Variants in MYL10 observed in about 807,000 individuals in gnomAD.
MYL10 encodes myosin light chain 10, also known as myosin regulatory light chain 10.
A neutral mutation model predicts 21.9 loss-of-function variants in MYL10; 18 were observed. That is an observed-to-expected ratio of 0.82 (90% confidence interval 0.57 to 1.22). The LOEUF is 1.22. Among genes scored for constraint, MYL10 ranks in the 50% most tolerant of loss-of-function variants. MYL10 has a pLI of 0.00. For synonymous variants in MYL10, 88 were observed against 82.8 expected (o/e 1.06, Z -0.34); for missense variants, 225 against 230.4 (o/e 0.98, Z 0.15).
chr7:101,628,006 C>G (rs73415218), intron 1 of MYL10, among the ~76,000 whole-genome samples: 5,232 of 152,252 alleles, frequency 0.034, 310 homozygotes, highest in African/African-American at 0.12. Flanking sequence ...AACCCCCGGT[C>G]TGCTTATGGA....
rs576792150 is a variant in MYL10, at chr7:101,615,167, G to T, written c.533+1053C>A. On this transcript the variant is annotated intron_variant, in intron 6 of 7. Transcript: ENST00000223167. The stretch of plus-strand genomic sequence containing the variant: ...CCCTTCATGCATTCCAAGTGAGCTG[G>T]TCACTTTCCCCAATCCTTACTGCCC... Among the ~76,000 whole-genome samples, 90 of 152,272 alleles carry T rather than the reference G, an allele frequency of 5.9e-4. 1 individual carries two copies. In the South Asian group the frequency reaches 0.018, roughly 30 times the overall value.
chr7:101,621,150 C>A (rs948211157), intron 5 of MYL10, among the ~76,000 whole-genome samples: 3 of 152,056 alleles, frequency 2.0e-5, no homozygotes, highest in African/African-American at 7.2e-5. Context: ...GGAGAGCTCC[C>A]CCGAGGCCAG....
intron 1 of MYL10, 143 bp downstream of exon 1, chr7:101,628,898 T>C (rs973054663): frequency 1.4e-5 from 5 of 357,524 alleles, no homozygotes; most frequent in Non-Finnish European, 2.7e-5. Context: ...ACACAGAAGG[T>C]CAGGCCATGT....
Position 101,622,295 on chromosome 7 carries a change from C to T in MYL10, c.350-95G>A, listed in dbSNP as rs371972388. On this transcript the variant is annotated intron_variant, in intron 4 of 7. Coordinates refer to ENST00000223167, the MANE Select transcript of MYL10 (RefSeq NM_138403.5). The stretch of plus-strand genomic sequence containing the variant: ...AAAGCCTCCCCACTCAGCTGCTCCA[C>T]GTGCCCCCCACTCAGCCCTAAGGCC... 62 of 923,634 alleles carry T rather than the reference C, an allele frequency of 6.7e-5. No individual in the cohort carries two copies. In the African/African-American group the frequency reaches 7.6e-4, roughly 11 times the overall value. The allele number at this position is 923,634 out of a possible 1,614,324, so 57.2% of individuals were successfully genotyped here.
intron 1 of MYL10, among the ~76,000 whole-genome samples, chr7:101,625,011 T>A (rs1339451330): frequency 6.6e-6 from 1 of 151,956 alleles, no homozygotes; most frequent in African/African-American, 2.4e-5. Context: ...TGCGTCTGTG[T>A]CCTCGACTAA....
intron 5 of MYL10, among the ~76,000 whole-genome samples, chr7:101,618,992 T>C (rs1192578479): frequency 6.6e-6 from 1 of 152,158 alleles, no homozygotes; most frequent in African/African-American, 2.4e-5. Context: ...AAACTCCTGC[T>C]CTGGCAGCAG....
At chr7:101,617,951 GA>G (rs1366596371) in intron 5 of MYL10, among the ~76,000 whole-genome samples, 1 of 150,548 alleles carries the variant, frequency 6.6e-6, no homozygotes, top group Non-Finnish European at 1.5e-5. Context: ...TCCCCCATTA[GA>G]CTGGGTCAGG....
At chr7:101,613,758 C>T in intron 6 of MYL10, 48 bp from the exon 7 acceptor site, 1 of 1,586,850 alleles carries the variant, frequency 6.3e-7, no homozygotes, top group Non-Finnish European at 8.7e-7. Flanking sequence ...GGATACCCAG[C>T]TTGAACATGC....
At chr7:101,621,584 T>G (rs1796678445) in intron 5 of MYL10, among the ~76,000 whole-genome samples, 1 of 133,412 alleles carries the variant, frequency 7.5e-6, no homozygotes, top group Non-Finnish European at 1.7e-5. Flanking sequence ...CAGTGTTTAG[T>G]TTTTATGGTT....
At position 101,613,737 on chromosome 7, in the gene MYL10, T is replaced by C. The variant is rs564106357; in HGVS notation, c.534-27A>G. ...TGTTCAAGGGAGAGACACAGTCATG[T>C]TCAGGGAACGGGATACCCAGCTTGA... On this transcript the variant is annotated intron_variant, in intron 6 of 7. Coordinates refer to ENST00000223167, the MANE Select transcript of MYL10 (RefSeq NM_138403.5). The C allele has an allele frequency of 4.3e-6, 7 of 1,613,166 alleles. No homozygotes were observed. In the East Asian group the frequency reaches 1.3e-4, roughly 31 times the overall value.
At chr7:101,622,913 C>T (rs375201363) in intron 4 of MYL10, 84 bp downstream of exon 4, 28 of 1,299,644 alleles carry the variant, frequency 2.2e-5, no homozygotes, top group South Asian at 2.5e-5. Context: ...TCACGCTCAC[C>T]GCGAGCCCTG....
chr7:101,626,673 G>C (rs1228451722), intron 1 of MYL10, among the ~76,000 whole-genome samples: 1 of 152,106 alleles, frequency 6.6e-6, no homozygotes, highest in African/African-American at 2.4e-5. Flanking sequence ...ACTGACCCCC[G>C]GCCCTCCCAG....
chr7:101,622,996 C>G lies in MYL10; in HGVS notation c.349+1G>C, dbSNP rs1178546340. 7 of 1,613,602 alleles carry G rather than the reference C, an allele frequency of 4.3e-6. No homozygotes were observed. The Admixed American group carries it at 1.2e-4, about 27-fold the overall frequency. On this transcript the variant is annotated splice_donor_variant, in intron 4 of 7. Transcript: ENST00000223167. LOFTEE classifies it high-confidence loss of function. ...TCTCCCCCGGCTGCTGGCTCACCCA[C>G]CCAGCGCGGCAAAGGTGTCCCTCAA... is the stretch of plus-strand genomic sequence containing the variant.
At chr7:101,622,316 A>G in intron 4 of MYL10, 116 bp from the exon 5 acceptor site, 1 of 713,846 alleles carries the variant, frequency 1.4e-6, no homozygotes, top group South Asian at 2.1e-5. Context: ...CTCAGCCCTA[A>G]GGCCCTGACG....
At chr7:101,618,114 A>G (rs952641990) in intron 5 of MYL10, among the ~76,000 whole-genome samples, 1 of 152,242 alleles carries the variant, frequency 6.6e-6, no homozygotes. Flanking sequence ...AAACTGGCAC[A>G]GAGTGAAAAA....
intron 1 of MYL10, among the ~76,000 whole-genome samples, chr7:101,624,900 C>T (rs564413836): frequency 3.9e-5 from 6 of 152,182 alleles, no homozygotes; most frequent in African/African-American, 9.6e-5. Flanking sequence ...TCACCTCCTC[C>T]GAGAAGCCTT....
chr7:101,613,824 G>T, intron 6 of MYL10, 114 bp from the exon 7 acceptor site: 1 of 1,035,566 alleles, frequency 9.7e-7, no homozygotes, highest in East Asian at 2.4e-5. Flanking sequence ...TGGACCAGGA[G>T]GACATCAACC....
At chr7:101,619,133 C>T (rs115522940) in intron 5 of MYL10, among the ~76,000 whole-genome samples, 1,914 of 152,348 alleles carry the variant, frequency 0.013, 31 homozygotes, top group African/African-American at 0.042. Context: ...GCCTTTAACA[C>T]GCCTCCTTCA....
intron 5 of MYL10, among the ~76,000 whole-genome samples, chr7:101,621,848 A>C (rs1489365978): frequency 1.3e-5 from 2 of 152,100 alleles, no homozygotes; most frequent in Non-Finnish European, 2.9e-5. Context: ...AGTCTCCCTA[A>C]GTGCTGGGAT....
Sources: gnomAD v4.1 joint callset for allele counts (sites outside exome capture counted in the v4.1 genomes callset) on GRCh38, gnomAD v4.1.1 for gene constraint, MANE v1.5 for transcripts, NCBI Gene and HGNC (gene_info 2026-07-23, HGNC 2026-07-21) for gene names.